FAM169A: variants seen among roughly 807,000 people sequenced by gnomAD.
FAM169A encodes the protein soluble lamin-associated protein of 75 kDa.
Under a neutral mutation model 75.7 loss-of-function variants are expected in FAM169A, and 24 were observed. The ratio of observed to expected loss-of-function variants is 0.32; its 90% CI spans 0.23 to 0.45. The LOEUF is 0.45. FAM169A is among the 20% of genes least tolerant of loss of function. The pLI is 1.00. For missense variants in FAM169A, 673 were observed against 784.0 expected (o/e 0.86, Z 1.69); for synonymous variants, 271 against 271.0 (o/e 1.00, Z 0.00).
chr5:74,852,621 G>A (rs747222289), intron 1 of FAM169A, among the ~76,000 whole-genome samples: 28 of 152,080 alleles, frequency 1.8e-4, no homozygotes, highest in Admixed American at 5.2e-4. Flanking sequence ...CCCTCAAAAA[G>A]AATATGCTGA....
At chr5:74,853,204 TTAATTTACAAAAGGA>T (rs1235009478) in intron 1 of FAM169A, among the ~76,000 whole-genome samples, 2 of 152,226 alleles carry the variant, frequency 1.3e-5, no homozygotes, top group African/African-American at 4.8e-5. Context: ...AAGAAAGGTC[TTAATTTACAAAAGGA>T]TAATAACCTC....
At chr5:74,816,023 T>C (rs571506217) in intron 5 of FAM169A, among the ~76,000 whole-genome samples, 3 of 152,246 alleles carry the variant, frequency 2.0e-5, no homozygotes, top group Non-Finnish European at 4.4e-5. Flanking sequence ...AAACTTGCTT[T>C]CACTTTATGG....
Position 74,781,384 on chromosome 5 carries a change from G to GT in FAM169A, c.*75dup. 7.0e-7 allele frequency: 1 copy of GT among 1,429,932 alleles called. No homozygotes were observed. The highest frequency in any genetic ancestry group is 9.5e-7 in the Non-Finnish European group (1 of 1,048,270). 88.6% of individuals were successfully genotyped at this position (1,429,932 alleles called of 1,614,324 possible). A position where few individuals can be genotyped will look rare whatever the true frequency, so the allele number is the denominator to read the frequency against. On this transcript the variant is annotated 3_prime_UTR_variant, in exon 13 of 13. Transcript: ENST00000687041. ...AAATTTTTGTCCTGTGCCCCATGCT[G>GT]TTTATTAATTACCATATTTTAAAAA...
intron 5 of FAM169A, among the ~76,000 whole-genome samples, chr5:74,828,147 T>C (rs1469640623): frequency 2.0e-5 from 3 of 152,228 alleles, no homozygotes; most frequent in Non-Finnish European, 4.4e-5. Context: ...GTGTCCTTAG[T>C]TATGTGCCAC....
chr5:74,795,159 G>A (rs1201904937), intron 11 of FAM169A, among the ~76,000 whole-genome samples: 2 of 152,032 alleles, frequency 1.3e-5, no homozygotes, highest in African/African-American at 4.8e-5. Context: ...TTGGAAGACT[G>A]AGGCAGGAGA....
chr5:74,844,063 T>G (rs1413288286), intron 1 of FAM169A, among the ~76,000 whole-genome samples: 4 of 152,028 alleles, frequency 2.6e-5, no homozygotes, highest in Non-Finnish European at 5.9e-5. Flanking sequence ...ATGGAGTTTA[T>G]AGAAAAAAAG....
chr5:74,832,662 T>C (rs1426452413), intron 5 of FAM169A, among the ~76,000 whole-genome samples: 3 of 149,250 alleles, frequency 2.0e-5, no homozygotes, highest in African/African-American at 7.3e-5. Flanking sequence ...AACATTTATT[T>C]ATATATATAT....
chr5:74,814,514 T>C (rs139584240), intron 5 of FAM169A, among the ~76,000 whole-genome samples: 114 of 152,306 alleles, frequency 7.5e-4, no homozygotes, highest in African/African-American at 2.6e-3. Context: ...CATTTCATTT[T>C]TATCTACTTG....
intron 4 of FAM169A, among the ~76,000 whole-genome samples, chr5:74,835,247 G>A (rs950195539): frequency 3.9e-5 from 6 of 152,024 alleles, no homozygotes; most frequent in African/African-American, 1.4e-4. Context: ...TACACACAGG[G>A]CTACATGGTC....
At chr5:74,857,941 T>C (rs755923912) in intron 1 of FAM169A, among the ~76,000 whole-genome samples, 1 of 152,208 alleles carries the variant, frequency 6.6e-6, no homozygotes, top group Non-Finnish European at 1.5e-5. Context: ...AAAAAATTAG[T>C]ATTCTCCAAA....
intron 1 of FAM169A, among the ~76,000 whole-genome samples, chr5:74,853,164 C>G (rs1749529385): frequency 6.6e-6 from 1 of 152,104 alleles, no homozygotes; most frequent in Admixed American, 6.5e-5. Context: ...CTTCCAAGCA[C>G]TTATAGCTTA....
At chr5:74,813,305 T>C (rs1747303760) in intron 6 of FAM169A, among the ~76,000 whole-genome samples, 1 of 152,050 alleles carries the variant, frequency 6.6e-6, no homozygotes, top group African/African-American at 2.4e-5. Context: ...GCAAATATTA[T>C]GGCATATGTT....
At chr5:74,806,145 T>C (rs1746871715) in intron 6 of FAM169A, among the ~76,000 whole-genome samples, 1 of 151,952 alleles carries the variant, frequency 6.6e-6, no homozygotes, top group Non-Finnish European at 1.5e-5. Flanking sequence ...CAGAAGGATA[T>C]ATAAACGGAC....
At chr5:74,808,207 G>T (rs1746985269) in intron 6 of FAM169A, among the ~76,000 whole-genome samples, 1 of 152,094 alleles carries the variant, frequency 6.6e-6, no homozygotes, top group African/African-American at 2.4e-5. Flanking sequence ...ATAGCCAAAA[G>T]GTAGAAACAA....
chr5:74,794,858 G>C (rs1386601915), intron 11 of FAM169A, among the ~76,000 whole-genome samples: 2 of 152,114 alleles, frequency 1.3e-5, no homozygotes, highest in African/African-American at 2.4e-5. Context: ...GGGAGGCAGA[G>C]GCAGGAGAAT....
intron 8 of FAM169A, 26 bp from the exon 9 acceptor site, chr5:74,801,655 A>G: frequency 1.3e-6 from 2 of 1,581,658 alleles, no homozygotes; most frequent in African/African-American, 1.4e-5. Flanking sequence ...ATTCAAACCC[A>G]AAGTTTTAGA....
At chr5:74,830,316 G>A (rs1748250588) in intron 5 of FAM169A, among the ~76,000 whole-genome samples, 1 of 152,120 alleles carries the variant, frequency 6.6e-6, no homozygotes, top group Admixed American at 6.6e-5. Context: ...AACATGATGT[G>A]CTCAATAAAT....
At chr5:74,856,366 C>T (rs1266436329) in intron 1 of FAM169A, among the ~76,000 whole-genome samples, 1 of 151,942 alleles carries the variant, frequency 6.6e-6, no homozygotes, top group Non-Finnish European at 1.5e-5. Flanking sequence ...CTGTAGATTG[C>T]TTTAGGTAAT....
At chr5:74,799,283 G>T (rs537209747) in intron 10 of FAM169A, 2 of 1,556,494 alleles carry the variant, frequency 1.3e-6, no homozygotes, top group Admixed American at 3.3e-5. Flanking sequence ...AGAATTAATC[G>T]CACAGCTACT....
Sources: allele counts gnomAD v4.1 joint callset (sites outside exome capture counted in the v4.1 genomes callset), GRCh38; gene constraint gnomAD v4.1.1; transcripts MANE v1.5; gene names NCBI Gene and HGNC (gene_info 2026-07-23, HGNC 2026-07-21).